Variants in CSMD1 observed in about 807,000 individuals in gnomAD.
CSMD1 encodes CUB and Sushi multiple domains 1.
Under a neutral mutation model 417.5 loss-of-function variants are expected in CSMD1, and 213 were observed. The ratio of observed to expected loss-of-function variants is 0.51; its 90% CI spans 0.46 to 0.57. The LOEUF (loss-of-function observed/expected upper bound fraction) is 0.57. Ranked by LOEUF, CSMD1 falls within the 20% of genes least tolerant of loss-of-function variation. The pLI, the probability that CSMD1 is intolerant of heterozygous loss-of-function variation, is 0.00. For synonymous variants in CSMD1, 2,862 were observed against 1,736.8 expected, an observed-to-expected ratio of 1.65 and a Z score of -16.11; for missense variants, 6,923 against 4,529.7, an observed-to-expected ratio of 1.53 and a Z score of -15.17.
chr8:3,614,085 T>A lies in CSMD1; in HGVS notation c.1097+2625A>T, dbSNP rs959924052. 5.9e-5 allele frequency among the ~76,000 whole-genome samples: 9 copies of A among 152,246 alleles called. No individual in the cohort carries two copies. The East Asian group carries it at 9.7e-4, about 16-fold the overall frequency. On this transcript the variant is annotated intron_variant, in intron 8 of 69. Coordinates refer to ENST00000635120, the MANE Select transcript of CSMD1 (RefSeq NM_033225.6). The stretch of plus-strand genomic sequence containing the variant: ...TGTTATGTATATATTCGTATACACA[T>A]ACACACACCATAGACGATACAAATA...
intron 5 of CSMD1, among the ~76,000 whole-genome samples, chr8:3,957,210 G>A (rs902335559): frequency 3.9e-5 from 6 of 152,162 alleles, no homozygotes; most frequent in Non-Finnish European, 7.3e-5. Flanking sequence ...TTCTCAAAAT[G>A]AGAAGACAGA....
intron 5 of CSMD1, among the ~76,000 whole-genome samples, chr8:3,859,342 C>T (rs1345400235): frequency 6.6e-6 from 1 of 152,198 alleles, no homozygotes; most frequent in Admixed American, 6.5e-5. Context: ...CACTTTCATT[C>T]TCCATAATAT....
intron 20 of CSMD1, 44 bp downstream of exon 20, chr8:3,366,988 G>A (rs1246957757): frequency 1.8e-5 from 25 of 1,425,238 alleles, no homozygotes; most frequent in Non-Finnish European, 2.5e-5. Flanking sequence ...AGAAATGGCA[G>A]TATTGTTGCC....
chr8:4,273,021 C>T (rs946959885), intron 3 of CSMD1, among the ~76,000 whole-genome samples: 2 of 152,128 alleles, frequency 1.3e-5, no homozygotes, highest in Non-Finnish European at 2.9e-5. Context: ...CCTGACATTT[C>T]TAACTATTAT....
intron 5 of CSMD1, among the ~76,000 whole-genome samples, chr8:3,764,543 G>T (rs571158620): frequency 6.6e-6 from 1 of 152,140 alleles, no homozygotes; most frequent in Admixed American, 6.5e-5. Flanking sequence ...ACCAGGTGGG[G>T]AGTACAGGTT....
rs556509417 is a variant in CSMD1, at chr8:3,693,714, A to G, written c.1009+14700T>C. Reference sequence around the variant, plus strand: ...AAACAGAACGGGAATTAGAAAATGTATGTGTTGTGTGTGTTATGCTTGTTA... The same window carrying G: ...AAACAGAACGGGAATTAGAAAATGTGTGTGTTGTGTGTGTTATGCTTGTTA... On this transcript the variant is annotated intron_variant, in intron 7 of 69. Coordinates refer to ENST00000635120, the MANE Select transcript of CSMD1 (RefSeq NM_033225.6). Among the ~76,000 whole-genome samples, 4 of 152,182 alleles carry G rather than the reference A, an allele frequency of 2.6e-5. No individual in the cohort carries two copies. The South Asian group carries it at 8.3e-4, about 32-fold the overall frequency.
intron 5 of CSMD1, among the ~76,000 whole-genome samples, chr8:3,839,100 C>T (rs1310835014): frequency 4.8e-5 from 5 of 104,180 alleles, no homozygotes; most frequent in Admixed American, 1.2e-4. Context: ...TATAATATAG[C>T]CTATATATAT....
At chr8:4,531,333 T>A (rs1409861448) in intron 2 of CSMD1, among the ~76,000 whole-genome samples, 1 of 152,232 alleles carries the variant, frequency 6.6e-6, no homozygotes, top group Admixed American at 6.5e-5. Flanking sequence ...CATTTAATCA[T>A]AAGCTTCAAG....
In CSMD1 at chr8:4,465,425, G is replaced by A. The variant is rs921030782; in HGVS notation, c.303-45360C>T. On this transcript the variant is annotated intron_variant, in intron 2 of 69. Transcript: ENST00000635120. The stretch of plus-strand genomic sequence containing the variant: ...TCATCATGCTGAAGGAGCCTTGTAC[G>A]TTCACCATTGACACCATCCTGCCTT... Among the ~76,000 whole-genome samples the A allele has an allele frequency of 7.9e-5, 12 of 152,178 alleles. No homozygotes were observed. In the East Asian group the frequency reaches 9.7e-4, roughly 12 times the overall value.
chr8:4,379,675 AGGGGAAGAGGGCAATGAAGCAACAATGG>A (rs1263733532), intron 3 of CSMD1, among the ~76,000 whole-genome samples: 1 of 149,798 alleles, frequency 6.7e-6, no homozygotes, highest in Admixed American at 6.6e-5. Context: ...TAGTTCTTAC[AGGGGAAGAGGGCAATGAAGCAACAATGG>A]CGGGAAGAGG....
chr8:3,988,519 C>T (rs999892283), intron 5 of CSMD1, among the ~76,000 whole-genome samples: 1 of 152,212 alleles, frequency 6.6e-6, no homozygotes, highest in Non-Finnish European at 1.5e-5. Flanking sequence ...GAACGATTGT[C>T]AGAAACAGAG....
At chr8:3,661,453 T>C (rs1206197079) in intron 7 of CSMD1, among the ~76,000 whole-genome samples, 1 of 152,196 alleles carries the variant, frequency 6.6e-6, no homozygotes, top group Non-Finnish European at 1.5e-5. Flanking sequence ...GCTGTGATTC[T>C]AGGGGTTGCC....
intron 5 of CSMD1, among the ~76,000 whole-genome samples, chr8:3,942,690 G>A (rs1563236159): frequency 6.6e-6 from 1 of 152,086 alleles, no homozygotes; most frequent in Admixed American, 6.6e-5. Context: ...TTTCCCTAAT[G>A]CCCTTTTAAA....
At chr8:3,763,124 A>G (rs1195321305) in intron 5 of CSMD1, among the ~76,000 whole-genome samples, 1 of 152,176 alleles carries the variant, frequency 6.6e-6, no homozygotes, top group African/African-American at 2.4e-5. Context: ...GTAGGCACTC[A>G]ATGCACATTG....
chr8:4,703,810 G>C (rs528224500), intron 1 of CSMD1, among the ~76,000 whole-genome samples: 1 of 152,120 alleles, frequency 6.6e-6, no homozygotes, highest in Non-Finnish European at 1.5e-5. Flanking sequence ...AAGCTCAACA[G>C]TCCCCAGCAT....
intron 3 of CSMD1, among the ~76,000 whole-genome samples, chr8:4,221,237 G>C (rs556022177): frequency 6.6e-6 from 1 of 152,080 alleles, no homozygotes; most frequent in South Asian, 2.1e-4. Flanking sequence ...TATATAAAAT[G>C]AAATGTATGA....
At chr8:3,252,047 A>T (rs969368094) in intron 26 of CSMD1, among the ~76,000 whole-genome samples, 2 of 152,160 alleles carry the variant, frequency 1.3e-5, no homozygotes, top group African/African-American at 4.8e-5. Context: ...CTAATTGAAT[A>T]CCTTTTATTT....
intron 1 of CSMD1, among the ~76,000 whole-genome samples, chr8:4,847,373 A>G (rs970837837): frequency 6.6e-6 from 1 of 152,220 alleles, no homozygotes; most frequent in African/African-American, 2.4e-5. Context: ...ATTTTCAGAT[A>G]CCAAATAAAA....
intron 2 of CSMD1, among the ~76,000 whole-genome samples, chr8:4,485,811 C>G (rs1305795553): frequency 1.3e-5 from 2 of 152,032 alleles, no homozygotes; most frequent in Non-Finnish European, 2.9e-5. Flanking sequence ...AAAGAAATGG[C>G]AAATTCCAAA....
Sources: gnomAD v4.1 joint callset for allele counts (sites outside exome capture counted in the v4.1 genomes callset) on GRCh38, gnomAD v4.1.1 for gene constraint, MANE v1.5 for transcripts, NCBI Gene and HGNC (gene_info 2026-07-23, HGNC 2026-07-21) for gene names.